NOL7: variants seen among roughly 807,000 people sequenced by gnomAD.
NOL7 encodes the protein U3 small nucleolar RNA-associated protein NOL7.
Under a neutral mutation model 38.4 loss-of-function variants are expected in NOL7, and 36 were observed. That is an observed-to-expected ratio of 0.94 (90% CI 0.72 to 1.24). The LOEUF (loss-of-function observed/expected upper bound fraction) is 1.24. NOL7 is among the 50% of genes most tolerant of loss of function. The pLI, the probability that NOL7 is intolerant of heterozygous loss-of-function variation, is 0.00. For missense variants in NOL7, 350 were observed against 315.1 expected (o/e 1.11, Z -0.84); for synonymous variants, 142 against 126.5 (o/e 1.12, Z -0.82).
downstream of NOL7, chr6:13,622,335 A>C: frequency 6.6e-7 from 1 of 1,514,422 alleles, no homozygotes; most frequent in East Asian, 2.3e-5. Flanking sequence ...ATGCCACAAT[A>C]TAAGTGTGAG....
intron 8 of NOL7, among the ~76,000 whole-genome samples, chr6:13,630,459 A>C (rs759729458): frequency 6.6e-6 from 1 of 152,154 alleles, no homozygotes; most frequent in Admixed American, 6.5e-5. Flanking sequence ...AATTAGCATA[A>C]AGTTTTAAAA....
rs1237266947 is a variant in NOL7 at position 13,620,348 on chromosome 6, AT to A, written c.622+24del. The A allele has an allele frequency of 1.9e-6, 3 of 1,613,342 alleles. No individual in the cohort carries two copies. The highest frequency in any genetic ancestry group is 2.5e-6 in the Non-Finnish European group (3 of 1,179,608). ...ACTACTGGTAATTTTTTTATGGACT[AT>A]TTTTCTCACTTTTTACTGCAAATAA... is the stretch of plus-strand genomic sequence containing the variant. On this transcript the variant is annotated intron_variant, in intron 6 of 7. Coordinates refer to ENST00000451315, the MANE Select transcript of NOL7 (RefSeq NM_016167.5).
At chr6:13,623,687 C>T (rs776069936), downstream of NOL7, among the ~76,000 whole-genome samples, 1 of 152,074 alleles carries the variant, frequency 6.6e-6, no homozygotes, top group Non-Finnish European at 1.5e-5. Flanking sequence ...TTTCATAACA[C>T]TATATAGATG....
chr6:13,625,634 C>T (rs1764580597), downstream of NOL7: 12 of 1,528,504 alleles, frequency 7.9e-6, no homozygotes, highest in African/African-American at 1.4e-5. Flanking sequence ...GAAATTGTGC[C>T]TTATTTGGCT....
downstream of NOL7, among the ~76,000 whole-genome samples, chr6:13,626,333 A>G (rs1045077837): frequency 3.3e-5 from 5 of 152,310 alleles, no homozygotes; most frequent in Admixed American, 3.3e-4. Flanking sequence ...CTTCTTTTCA[A>G]ACAACTACTT....
In NOL7 at chr6:13,615,383, T is replaced by G. The variant is rs775412864; in HGVS notation, c.25T>G (p.Ser9Ala). The G allele has an allele frequency of 6.6e-7, 1 of 1,521,042 alleles. No homozygotes were observed. The highest frequency in any genetic ancestry group is 2.1e-5 in the Admixed American group (1 of 47,294). 94.2% of individuals were successfully genotyped at this position (1,521,042 alleles called of 1,614,324 possible). Residue 9 changes from serine to alanine, a missense_variant, in exon 1 of 8, where the codon TCT becomes GCT. Transcript: ENST00000451315. Reference sequence around the variant, plus strand: ...CATGGTGCAGCTCCGACCGCGAGCGTCTCGCGCCCCGGCGTCGGCGGAGGC... The same window carrying G: ...CATGGTGCAGCTCCGACCGCGAGCGGCTCGCGCCCCGGCGTCGGCGGAGGC... Reference protein sequence around the residue: MVQLRPRASRAPASAEAMV... With the variant: MVQLRPRAARAPASAEAMV...
intron 8 of NOL7, among the ~76,000 whole-genome samples, chr6:13,629,921 CGT>C (rs3063992): frequency 0.042 from 5,342 of 128,284 alleles, 139 homozygotes; most frequent in Admixed American, 0.085. Flanking sequence ...CTCTCTCTCT[CGT>C]GTGTGTGTGT....
intron 3 of NOL7, among the ~76,000 whole-genome samples, 153 bp from the exon 4 acceptor site, chr6:13,617,617 T>G (rs2127754254): frequency 1.3e-5 from 2 of 152,352 alleles, no homozygotes; most frequent in Middle Eastern, 6.8e-3. Context: ...GAGTGACTAT[T>G]GCTTTCCAAA....
intron 8 of NOL7, among the ~76,000 whole-genome samples, chr6:13,628,639 T>C (rs1423563555): frequency 6.6e-6 from 1 of 152,150 alleles, no homozygotes; most frequent in African/African-American, 2.4e-5. Context: ...TAAAAAATGG[T>C]TTATACCATC....
At position 13,615,543 on chromosome 6, in the gene NOL7, A is replaced by G. The variant is rs1240233578; in HGVS notation, c.185A>G (p.Glu62Gly). The change falls in exon 1 of 8, where the codon GAG becomes GGG. Residue 62 changes from glutamate (E) to glycine (G), a missense_variant. Physicochemically the swap from Glu to Gly is moderately conservative, Grantham distance 98. Transcript: ENST00000451315. Reference protein sequence around the residue: ...DEEGDDEFDDEAPEELTFASA... With the variant: ...DEEGDDEFDDGAPEELTFASA... ...GAAGGGGACGATGAGTTTGACGATG[A>G]GGCCCCGGAGGAGCTGACTTTCGCC... The G allele has an allele frequency of 9.6e-6, 15 of 1,559,742 alleles. No individual in the cohort carries two copies. Among genetic ancestry groups the G allele is most frequent in the Non-Finnish European group, 1.3e-5 (15 of 1,151,092 alleles).
chr6:13,625,497 AG>A (rs1764576843), downstream of NOL7, among the ~76,000 whole-genome samples: 1 of 152,224 alleles, frequency 6.6e-6, no homozygotes, highest in East Asian at 1.9e-4. Flanking sequence ...CTGGAATTAA[AG>A]GAGGGGGTTT....
At chr6:13,631,705 T>C (rs769782177) in intron 8 of NOL7, among the ~76,000 whole-genome samples, 15 of 152,210 alleles carry the variant, frequency 9.9e-5, no homozygotes, top group Admixed American at 4.6e-4. Flanking sequence ...AACCAACTGT[T>C]AAAGAGCTGT....
chr6:13,618,179 C>G (rs747707859), intron 5 of NOL7, 40 bp downstream of exon 5: 6 of 897,430 alleles, frequency 6.7e-6, no homozygotes, highest in Non-Finnish European at 8.6e-6. Flanking sequence ...TAAAGGAGAC[C>G]TTTAAGAGAG....
chr6:13,615,702 T>C lies in NOL7; in HGVS notation c.267-10T>C, dbSNP rs776873539. 3.7e-6 allele frequency: 6 copies of C among 1,614,046 alleles called. No homozygotes were observed. In the African/African-American group the frequency reaches 4.0e-5, roughly 11 times the overall value. On this transcript the variant is annotated splice_polypyrimidine_tract_variant and intron_variant, in intron 1 of 7. Coordinates refer to ENST00000451315, the MANE Select transcript of NOL7 (RefSeq NM_016167.5). ...CCTTCCCTTTGCTGACTTATCACCC[T>C]TCCTCCCAGGGATAAAACGCTCCTG...
intron 8 of NOL7, among the ~76,000 whole-genome samples, chr6:13,630,128 A>C (rs910115667): frequency 1.3e-4 from 20 of 152,176 alleles, no homozygotes; most frequent in African/African-American, 4.6e-4. Flanking sequence ...GGCTACTTAT[A>C]TATAAGGTGG....
At chr6:13,626,695 A>T (rs1764615355), downstream of NOL7, among the ~76,000 whole-genome samples, 1 of 152,350 alleles carries the variant, frequency 6.6e-6, no homozygotes, top group South Asian at 2.1e-4. Context: ...GTTGCTGCAG[A>T]AACTGTCAAT....
At chr6:13,630,614 G>A (rs1764751818) in intron 8 of NOL7, among the ~76,000 whole-genome samples, 5 of 152,054 alleles carry the variant, frequency 3.3e-5, no homozygotes, top group Admixed American at 2.6e-4. Flanking sequence ...ACCTTTCAGG[G>A]GATCTGTGAA....
chr6:13,625,282 T>G (rs1046847755), downstream of NOL7, among the ~76,000 whole-genome samples: 9 of 152,254 alleles, frequency 5.9e-5, no homozygotes, highest in African/African-American at 4.8e-5. Flanking sequence ...TGCCTTTCAC[T>G]AAAGAGGGCT....
intron 5 of NOL7, 149 bp downstream of exon 5, chr6:13,618,288 C>T (rs909677337): frequency 9.4e-5 from 21 of 224,146 alleles, no homozygotes; most frequent in East Asian, 4.0e-4. Context: ...TCGCCCAGGC[C>T]GGACTGCGGA....
Sources: allele counts gnomAD v4.1 joint callset (sites outside exome capture counted in the v4.1 genomes callset), GRCh38; gene constraint gnomAD v4.1.1; transcripts MANE v1.5; gene names NCBI Gene and HGNC (gene_info 2026-07-23, HGNC 2026-07-21).